Variants in KCNH5 observed in about 807,000 individuals in gnomAD.
KCNH5 encodes voltage-gated delayed rectifier potassium channel KCNH5.
KCNH5 carries 46 observed loss-of-function variants against 96.1 expected under a neutral mutation model. That is an observed-to-expected ratio of 0.48 (90% confidence interval 0.38 to 0.61). KCNH5 has a LOEUF of 0.61. Among genes scored for constraint, KCNH5 ranks in the 20% least tolerant of loss-of-function variants. KCNH5 has a pLI of 0.00. For synonymous variants in KCNH5, 439 were observed against 449.8 expected, an observed-to-expected ratio of 0.98 and a Z score of 0.30; for missense variants, 907 against 1,225.8, an observed-to-expected ratio of 0.74 and a Z score of 3.88.
chr14:62,817,647 C>T (rs1259315329), intron 8 of KCNH5, among the ~76,000 whole-genome samples: 2 of 149,280 alleles, frequency 1.3e-5, no homozygotes, highest in African/African-American at 4.9e-5. Flanking sequence ...TTGTTTCTTA[C>T]ACATTATTTA....
At chr14:62,743,309 G>T (rs921575149) in intron 10 of KCNH5, among the ~76,000 whole-genome samples, 1 of 152,108 alleles carries the variant, frequency 6.6e-6, no homozygotes, top group Non-Finnish European at 1.5e-5. Context: ...AGTTCCCTGG[G>T]TAATTCTAAT....
chr14:62,830,384 C>T (rs1279559599), intron 8 of KCNH5, among the ~76,000 whole-genome samples: 1 of 152,080 alleles, frequency 6.6e-6, no homozygotes, highest in Non-Finnish European at 1.5e-5. Flanking sequence ...TTAGTTTTCA[C>T]ACTGTTATAG....
chr14:62,903,940 G>A (rs1339843598), intron 7 of KCNH5, among the ~76,000 whole-genome samples: 1 of 151,568 alleles, frequency 6.6e-6, no homozygotes, highest in East Asian at 1.9e-4. Flanking sequence ...TTTTAGTGAG[G>A]AGGTCACACG....
chr14:62,802,888 T>C lies in KCNH5; in HGVS notation c.1570-307A>G, dbSNP rs141430456. Among the ~76,000 whole-genome samples the C allele has an allele frequency of 1.6e-3, 240 of 152,310 alleles. 2 individuals carry two copies. The highest frequency in any genetic ancestry group is 5.3e-3 in the African/African-American group (221 of 41,574). ...TGGCTGGGCATGGTGGCTTCTGTAA[T>C]TCCAGCACTTTGGGAGGCCAAGGCG... On this transcript the variant is annotated intron_variant, in intron 8 of 10. Coordinates refer to ENST00000322893, the MANE Select transcript of KCNH5 (RefSeq NM_139318.5).
At chr14:62,916,399 AATGTGTTCTTTATAACAATGT>A (rs1241045818) in intron 7 of KCNH5, among the ~76,000 whole-genome samples, 5 of 152,214 alleles carry the variant, frequency 3.3e-5, no homozygotes, top group African/African-American at 1.2e-4. Context: ...CAAATTCCTT[AATGTGTTCTTTATAACAATGT>A]CAAACAATTG....
intron 7 of KCNH5, among the ~76,000 whole-genome samples, chr14:62,880,061 G>A (rs1446795691): frequency 6.6e-6 from 1 of 152,134 alleles, no homozygotes; most frequent in Non-Finnish European, 1.5e-5. Context: ...TATTAGAAAT[G>A]TATTATTACA....
intron 10 of KCNH5, among the ~76,000 whole-genome samples, chr14:62,713,271 G>A (rs1422109081): frequency 9.3e-6 from 1 of 107,024 alleles, no homozygotes; most frequent in Non-Finnish European, 2.0e-5. Flanking sequence ...AAGAATCAGT[G>A]CTATCTGTAT....
At chr14:63,039,893 G>A (rs1891790708) in intron 1 of KCNH5, among the ~76,000 whole-genome samples, 1 of 151,988 alleles carries the variant, frequency 6.6e-6, no homozygotes, top group African/African-American at 2.4e-5. Context: ...TGGCAAGCAA[G>A]GTGGGGGAAG....
At chr14:62,750,360 C>T (rs560357210) in intron 10 of KCNH5, among the ~76,000 whole-genome samples, 16 of 152,330 alleles carry the variant, frequency 1.1e-4, no homozygotes, top group Admixed American at 9.2e-4. Flanking sequence ...CTGATATTAA[C>T]AGTTTGCTGT....
intron 10 of KCNH5, among the ~76,000 whole-genome samples, chr14:62,731,055 C>T (rs770075789): frequency 3.3e-5 from 5 of 152,142 alleles, no homozygotes; most frequent in African/African-American, 4.8e-5. Flanking sequence ...AATCCCTGCA[C>T]TTTGGGAGGC....
At chr14:62,714,376 T>C (rs1203725728) in intron 10 of KCNH5, among the ~76,000 whole-genome samples, 2 of 152,164 alleles carry the variant, frequency 1.3e-5, no homozygotes, top group Non-Finnish European at 2.9e-5. Context: ...GTGGAAACAT[T>C]GATGAATTTG....
At chr14:62,857,391 C>T (rs1363917757) in intron 7 of KCNH5, among the ~76,000 whole-genome samples, 1 of 152,130 alleles carries the variant, frequency 6.6e-6, no homozygotes, top group East Asian at 1.9e-4. Flanking sequence ...TAGTTATTCT[C>T]TTTTAAGCTA....
rs749398578 is a variant in KCNH5, at chr14:62,950,579, A to T, written c.943-20T>A. 6.6e-6 allele frequency: 10 copies of T among 1,524,342 alleles called. No homozygotes were observed. The South Asian group carries it at 1.1e-4, about 17-fold the overall frequency. The allele number at this position is 1,524,342 out of a possible 1,614,324, so 94.4% of individuals were successfully genotyped here. A position where few individuals can be genotyped will look rare whatever the true frequency, so the allele number is the denominator to read the frequency against. On this transcript the variant is annotated intron_variant, in intron 6 of 10. Transcript: ENST00000322893. ...GATTCCCTGGATTTAAAAAAAAAAA[A>T]AAAATTACACCACATTTTCAGGAAA...
At chr14:62,850,559 TCTACAGGGGA>T (rs1887783700) in intron 7 of KCNH5, among the ~76,000 whole-genome samples, 1 of 152,256 alleles carries the variant, frequency 6.6e-6, no homozygotes. Context: ...TTGTCATTCA[TCTACAGGGGA>T]CTACAGGTGG....
At chr14:62,789,537 C>T (rs554896003) in intron 9 of KCNH5, among the ~76,000 whole-genome samples, 1 of 151,950 alleles carries the variant, frequency 6.6e-6, no homozygotes, top group Non-Finnish European at 1.5e-5. Context: ...CCAAACTACA[C>T]TCCCACCAAC....
intron 7 of KCNH5, among the ~76,000 whole-genome samples, chr14:62,904,037 A>G (rs1888981096): frequency 6.6e-6 from 1 of 152,184 alleles, no homozygotes; most frequent in South Asian, 2.1e-4. Context: ...TGATTTTCCA[A>G]TATGTCAGAA....
At chr14:62,839,477 G>T (rs1887531489) in intron 8 of KCNH5, among the ~76,000 whole-genome samples, 1 of 152,028 alleles carries the variant, frequency 6.6e-6, no homozygotes, top group Non-Finnish European at 1.5e-5. Flanking sequence ...AATACATATG[G>T]GTTAAGTCTG....
intron 10 of KCNH5, among the ~76,000 whole-genome samples, chr14:62,715,688 C>T (rs1399482692): frequency 2.0e-5 from 3 of 151,928 alleles, no homozygotes; most frequent in African/African-American, 2.4e-5. Flanking sequence ...GTAAGCTCTC[C>T]GAGGGCACAA....
intron 2 of KCNH5, among the ~76,000 whole-genome samples, chr14:63,015,651 C>G (rs1367594910): frequency 6.6e-6 from 1 of 151,896 alleles, no homozygotes; most frequent in Non-Finnish European, 1.5e-5. Context: ...GAGTCATACA[C>G]AGGGGATTGG....
Sources: allele counts gnomAD v4.1 joint callset (sites outside exome capture counted in the v4.1 genomes callset), GRCh38; gene constraint gnomAD v4.1.1; transcripts MANE v1.5; gene names NCBI Gene and HGNC (gene_info 2026-07-23, HGNC 2026-07-21).